FOXN2: variants seen among roughly 807,000 people sequenced by gnomAD.
The protein encoded by FOXN2 is forkhead box N2.
In FOXN2, 19 loss-of-function variants were observed where a neutral mutation model predicts 41.2. The observed-to-expected ratio is 0.46, with a 90% CI of 0.32 to 0.68. The LOEUF (loss-of-function observed/expected upper bound fraction) is 0.68, where lower values mean the gene tolerates loss of function less well. FOXN2 is among the 30% of genes least tolerant of loss of function. The probability of loss-of-function intolerance (pLI) is 0.03; values close to 1 mark genes in which losing one functional copy is unlikely to be tolerated. For synonymous variants in FOXN2, 195 were observed against 176.8 expected, an observed-to-expected ratio of 1.10 and a Z score of -0.82; for missense variants, 587 against 509.4, an observed-to-expected ratio of 1.15 and a Z score of -1.47.
At position 48,377,179 on chromosome 2, in the gene FOXN2, A is replaced by G. The variant is rs970321623; in HGVS notation, c.*1736A>G. On this transcript the variant is annotated 3_prime_UTR_variant, in exon 7 of 7. Transcript: ENST00000340553. ...AAATATAGTAATTTTTAAATTTGTT[A>G]ATAATGAAAACCCTTAAGCATGCAG... The G allele has an allele frequency of 5.9e-5, 9 of 152,114 alleles. No homozygotes were observed. Among genetic ancestry groups the G allele is most frequent in the Non-Finnish European group, 7.4e-5 (5 of 67,868 alleles). 9.4% of individuals were successfully genotyped at this position (152,114 alleles called of 1,614,324 possible).
chr2:48,359,799 A>T (rs1160382723), intron 4 of FOXN2, among the ~76,000 whole-genome samples: 1 of 152,168 alleles, frequency 6.6e-6, no homozygotes, highest in African/African-American at 2.4e-5. Flanking sequence ...TTCAGTTACA[A>T]ACAGGTCAGA....
intron 2 of FOXN2, among the ~76,000 whole-genome samples, chr2:48,330,222 G>C (rs1160057168): frequency 1.3e-5 from 2 of 152,044 alleles, no homozygotes; most frequent in Non-Finnish European, 2.9e-5. Flanking sequence ...GTGGCTTCCA[G>C]TCTTGAGAAA....
chr2:48,360,775 A>G (rs1672119534), intron 4 of FOXN2, among the ~76,000 whole-genome samples: 1 of 149,848 alleles, frequency 6.7e-6, no homozygotes, highest in Non-Finnish European at 1.5e-5. Flanking sequence ...TATGTGTTTT[A>G]CTTAGCTGTG....
At chr2:48,339,114 A>G (rs1311355159) in intron 2 of FOXN2, among the ~76,000 whole-genome samples, 2 of 152,188 alleles carry the variant, frequency 1.3e-5, no homozygotes, top group Non-Finnish European at 2.9e-5. Context: ...CTATACATTC[A>G]TATTCTATAT....
chr2:48,349,525 GC>G (rs1671318743), intron 3 of FOXN2, among the ~76,000 whole-genome samples: 1 of 152,188 alleles, frequency 6.6e-6, no homozygotes, highest in African/African-American at 2.4e-5. Flanking sequence ...TGTAATCCCA[GC>G]CCTTTGGGAA....
rs1034796761 is a variant in FOXN2 at position 48,346,709 on chromosome 2, C to T, written c.495C>T (p.Ser165=). 6.2e-7 allele frequency: 1 copy of T among 1,603,302 alleles called. No individual in the cohort carries two copies. The highest frequency in any genetic ancestry group is 8.5e-7 in the Non-Finnish European group (1 of 1,176,928). ...AGAATTCTGTTCGACATAATCTGTC[C>T]CTGAATAAATGTTTTCAGAAAGTGG... The part of the protein sequence containing the change: ...GWKNSVRHNL[S]LNKCFQKVER... Residue 165 remains serine, a synonymous_variant, in exon 3 of 7, where the codon TCC becomes TCT. Coordinates refer to ENST00000340553, the MANE Select transcript of FOXN2 (RefSeq NM_002158.4).
Position 48,334,332 on chromosome 2 carries a change from A to G in FOXN2, c.-15+5630A>G, listed in dbSNP as rs573828162. ...TCTTTTACCTCCAGGGATACTTCCA[A>G]TTGAGATTCATTGTCATAATGACAA... On this transcript the variant is annotated intron_variant, in intron 2 of 6. Coordinates refer to ENST00000340553, the MANE Select transcript of FOXN2 (RefSeq NM_002158.4). Among the ~76,000 whole-genome samples, 6 of 152,326 alleles carry G rather than the reference A, an allele frequency of 3.9e-5. 1 individual carries two copies. The highest frequency in any genetic ancestry group is 1.4e-4 in the African/African-American group (6 of 41,580).
At chr2:48,323,339 T>G (rs576883570) in intron 1 of FOXN2, among the ~76,000 whole-genome samples, 32 of 152,328 alleles carry the variant, frequency 2.1e-4, no homozygotes, top group Non-Finnish European at 4.3e-4. Flanking sequence ...GGCTGTTACT[T>G]TACATTCCCA....
chr2:48,339,844 G>A (rs147797506), intron 2 of FOXN2, among the ~76,000 whole-genome samples: 70 of 152,250 alleles, frequency 4.6e-4, no homozygotes, highest in African/African-American at 1.6e-3. Flanking sequence ...TATAACAGTA[G>A]TACTTGTAAT....
At chr2:48,330,967 C>T (rs1218581949) in intron 2 of FOXN2, among the ~76,000 whole-genome samples, 1 of 152,132 alleles carries the variant, frequency 6.6e-6, no homozygotes, top group Non-Finnish European at 1.5e-5. Flanking sequence ...CTTCCTCAGG[C>T]CCCTTGGTAC....
At chr2:48,340,935 C>A (rs775155483) in intron 2 of FOXN2, 2 of 152,196 alleles carry the variant, frequency 1.3e-5, no homozygotes, top group Non-Finnish European at 2.9e-5. Flanking sequence ...GTGTATAGTA[C>A]ATTTATCTAC....
intron 1 of FOXN2, among the ~76,000 whole-genome samples, chr2:48,317,686 C>G (rs1439172675): frequency 7.7e-6 from 1 of 130,112 alleles, no homozygotes; most frequent in Non-Finnish European, 1.6e-5. Flanking sequence ...TGGCTCACTG[C>G]AACCTCCACC....
chr2:48,340,819 AC>A, intron 2 of FOXN2: 1 of 152,348 alleles, frequency 6.6e-6, no homozygotes, highest in East Asian at 1.9e-4. Context: ...CTGCTACTGC[AC>A]AAAGCTTGAA....
chr2:48,340,183 T>C (rs903326274), intron 2 of FOXN2, among the ~76,000 whole-genome samples: 1 of 152,230 alleles, frequency 6.6e-6, no homozygotes, highest in South Asian at 2.1e-4. Flanking sequence ...TTGTGTTTAG[T>C]AGGTTTCTTA....
At position 48,375,654 on chromosome 2, in the gene FOXN2, G is replaced by A; in HGVS notation, c.*211G>A. The A allele has an allele frequency of 2.3e-6, 1 of 440,180 alleles. No homozygotes were observed. 27.3% of individuals were successfully genotyped at this position (440,180 alleles called of 1,614,324 possible). A position where few individuals can be genotyped will look rare whatever the true frequency, so the allele number is the denominator to read the frequency against. Reference sequence around the variant, plus strand: ...AAATACATGATGTGAAGTCCTAAAAGCATAATTTTTGTGATAAATGTGTCC... The same window carrying A: ...AAATACATGATGTGAAGTCCTAAAAACATAATTTTTGTGATAAATGTGTCC... On this transcript the variant is annotated 3_prime_UTR_variant, in exon 7 of 7. Coordinates refer to ENST00000340553, the MANE Select transcript of FOXN2 (RefSeq NM_002158.4).
At chr2:48,347,253 G>GTC (rs1416500707) in intron 3 of FOXN2, among the ~76,000 whole-genome samples, 1 of 119,138 alleles carries the variant, frequency 8.4e-6, no homozygotes, top group Non-Finnish European at 1.6e-5. Context: ...TTGTGAGACA[G>GTC]TCTCGATCTG....
In FOXN2 at chr2:48,375,250, C is replaced by T; in HGVS notation, c.1103C>T (p.Ala368Val). ...GATCCTCTTGGAGACAGTGGCTATG[C>T]ATCACAGCCTTGTGCAAAAATCTCT... ...EDDPLGDSGY[A>V]SQPCAKISEK... The change falls in exon 7 of 7, where the codon GCA (alanine) becomes GTA (valine). Residue 368 changes from alanine (A) to valine (V), a missense_variant. By Grantham distance (64) the Ala-to-Val change is moderately conservative. Coordinates refer to ENST00000340553, the MANE Select transcript of FOXN2 (RefSeq NM_002158.4). 6.2e-7 allele frequency: 1 copy of T among 1,613,956 alleles called. No individual in the cohort carries two copies. The highest frequency in any genetic ancestry group is 8.5e-7 in the Non-Finnish European group (1 of 1,179,924).
chr2:48,372,388 T>G (rs929818497), intron 5 of FOXN2, among the ~76,000 whole-genome samples: 4 of 152,192 alleles, frequency 2.6e-5, no homozygotes, highest in Non-Finnish European at 5.9e-5. Flanking sequence ...AAATAGGAAA[T>G]CTTTATGGTA....
chr2:48,354,976 C>A (rs978352622), intron 3 of FOXN2, among the ~76,000 whole-genome samples: 1 of 152,128 alleles, frequency 6.6e-6, no homozygotes, highest in African/African-American at 2.4e-5. Flanking sequence ...GATAGGAGTA[C>A]ATTAATATGA....
Sources: allele counts gnomAD v4.1 joint callset (sites outside exome capture counted in the v4.1 genomes callset), GRCh38; gene constraint gnomAD v4.1.1; transcripts MANE v1.5; gene names NCBI Gene and HGNC (gene_info 2026-07-23, HGNC 2026-07-21).